Variants in SNTG1 observed in about 807,000 individuals in gnomAD.
The protein encoded by SNTG1 is gamma-1-syntrophin.
SNTG1 carries 39 observed loss-of-function variants against 74.7 expected under a neutral mutation model. The ratio of observed to expected loss-of-function variants is 0.52; its 90% CI spans 0.40 to 0.68. SNTG1 has a LOEUF of 0.68. Among genes scored for constraint, SNTG1 ranks in the 30% least tolerant of loss-of-function variants. The pLI, the probability that SNTG1 is intolerant of heterozygous loss-of-function variation, is 0.00. For synonymous variants in SNTG1, 254 were observed against 217.1 expected (o/e 1.17, Z -1.49); for missense variants, 685 against 609.5 (o/e 1.12, Z -1.30).
intron 17 of SNTG1, among the ~76,000 whole-genome samples, chr8:50,725,460 T>C (rs986564032): frequency 2.0e-5 from 3 of 152,108 alleles, no homozygotes; most frequent in African/African-American, 7.2e-5. Flanking sequence ...TAATCCAAAA[T>C]AATATAAAAG....
intron 9 of SNTG1, among the ~76,000 whole-genome samples, chr8:50,509,154 C>T (rs2094039810): frequency 6.6e-6 from 1 of 152,132 alleles, no homozygotes; most frequent in African/African-American, 2.4e-5. Flanking sequence ...GCCAGTTCTC[C>T]CAGCACCATT....
chr8:49,996,708 G>T (rs1299012716), intron 1 of SNTG1, among the ~76,000 whole-genome samples: 1 of 151,942 alleles, frequency 6.6e-6, no homozygotes, highest in East Asian at 1.9e-4. Flanking sequence ...TCACTACTTT[G>T]TCCCATCAAA....
At chr8:50,629,919 T>C (rs531434832) in intron 13 of SNTG1, among the ~76,000 whole-genome samples, 1 of 152,342 alleles carries the variant, frequency 6.6e-6, no homozygotes, top group South Asian at 2.1e-4. Flanking sequence ...CAGTGCTGCT[T>C]CGATATTATA....
chr8:50,244,909 CA>C (rs1311532881), intron 2 of SNTG1, among the ~76,000 whole-genome samples: 2 of 152,140 alleles, frequency 1.3e-5, no homozygotes, highest in Non-Finnish European at 2.9e-5. Context: ...AGACATTCTA[CA>C]AAGCTAGGAT....
At chr8:50,046,099 T>C (rs1819060183) in intron 1 of SNTG1, among the ~76,000 whole-genome samples, 1 of 152,248 alleles carries the variant, frequency 6.6e-6, no homozygotes, top group African/African-American at 2.4e-5. Flanking sequence ...TAAAATTGTA[T>C]TTATGGGCAC....
At chr8:50,597,328 C>T (rs1354643398) in intron 13 of SNTG1, among the ~76,000 whole-genome samples, 3 of 148,350 alleles carry the variant, frequency 2.0e-5, no homozygotes, top group Non-Finnish European at 4.5e-5. Context: ...CGTATATATA[C>T]ACATATATAT....
At chr8:50,005,433 A>G (rs1815125754) in intron 1 of SNTG1, among the ~76,000 whole-genome samples, 1 of 151,330 alleles carries the variant, frequency 6.6e-6, no homozygotes, top group Admixed American at 6.6e-5. Context: ...AACAGTGGAG[A>G]TTATTTCAAT....
At chr8:50,202,631 A>G (rs1349586333) in intron 2 of SNTG1, among the ~76,000 whole-genome samples, 1 of 152,162 alleles carries the variant, frequency 6.6e-6, no homozygotes, top group Non-Finnish European at 1.5e-5. Flanking sequence ...AATTTTTGGC[A>G]GCAGAGAATA....
intron 2 of SNTG1, among the ~76,000 whole-genome samples, chr8:50,177,219 C>T (rs1418299690): frequency 6.6e-6 from 1 of 152,204 alleles, no homozygotes; most frequent in African/African-American, 2.4e-5. Flanking sequence ...TGGAGCATGG[C>T]AGCTGAAATG....
chr8:49,946,880 A>T (rs1809239164), intron 1 of SNTG1, among the ~76,000 whole-genome samples: 1 of 152,226 alleles, frequency 6.6e-6, no homozygotes, highest in Admixed American at 6.5e-5. Flanking sequence ...CTTTCTTCTT[A>T]AAATTAATGT....
chr8:50,365,549 A>G (rs1364874152), intron 2 of SNTG1, among the ~76,000 whole-genome samples: 1 of 152,122 alleles, frequency 6.6e-6, no homozygotes, highest in Non-Finnish European at 1.5e-5. Context: ...TTAGGAAAGA[A>G]TTGTATAAAA....
At chr8:50,584,599 C>A (rs1162735398) in intron 12 of SNTG1, among the ~76,000 whole-genome samples, 2 of 148,570 alleles carry the variant, frequency 1.3e-5, no homozygotes, top group Non-Finnish European at 3.0e-5. Context: ...CTGAGAGAGT[C>A]CACACTAGCT....
chr8:50,678,812 A>C (rs2095319779), intron 15 of SNTG1, among the ~76,000 whole-genome samples: 1 of 152,114 alleles, frequency 6.6e-6, no homozygotes, highest in African/African-American at 2.4e-5. Flanking sequence ...ACTATTGAGA[A>C]AATTTTTTAT....
intron 4 of SNTG1, among the ~76,000 whole-genome samples, chr8:50,425,072 A>G (rs2093144433): frequency 6.6e-6 from 1 of 152,216 alleles, no homozygotes; most frequent in Non-Finnish European, 1.5e-5. Context: ...ACAATAAATC[A>G]CAAGTATATT....
At position 50,509,238 on chromosome 8, in the gene SNTG1, C is replaced by T. The variant is rs565207469; in HGVS notation, c.466+6358C>T. ...CAAAGATCAGATAGTTGTAGATATGCAGCATTATTTCTGAGGGCTCTGTTC... is the reference window on the plus strand; with the variant it reads ...CAAAGATCAGATAGTTGTAGATATGTAGCATTATTTCTGAGGGCTCTGTTC... On this transcript the variant is annotated intron_variant, in intron 9 of 18. Transcript: ENST00000642720. Among the ~76,000 whole-genome samples the T allele has an allele frequency of 2.6e-5, 4 of 152,172 alleles. No individual in the cohort carries two copies. The East Asian group carries it at 7.8e-4, about 29-fold the overall frequency.
chr8:50,374,848 G>A (rs912625568), intron 2 of SNTG1, among the ~76,000 whole-genome samples: 8 of 152,048 alleles, frequency 5.3e-5, no homozygotes, highest in African/African-American at 1.4e-4. Context: ...AGATCAAATT[G>A]GAAGTTGGAA....
At chr8:50,604,355 G>T (rs2094796791) in intron 13 of SNTG1, among the ~76,000 whole-genome samples, 1 of 151,966 alleles carries the variant, frequency 6.6e-6, no homozygotes, top group Non-Finnish European at 1.5e-5. Context: ...GGTGGAGGTT[G>T]CAGTGAGCCA....
Position 50,118,627 on chromosome 8 carries a change from G to C in SNTG1, c.-102-53934G>C, listed in dbSNP as rs72639893. 2.1e-3 allele frequency among the ~76,000 whole-genome samples: 224 copies of C among 105,816 alleles called. 38 individuals carry two copies. Among genetic ancestry groups the C allele is most frequent in the Non-Finnish European group, 3.7e-3 (167 of 45,432 alleles). The allele number at this position is 105,816 out of a possible 152,430, so 69.4% of individuals were successfully genotyped here. ...TCAGCTCTTCTCTCCATTCCCTGTG[G>C]ACCCCAAAGAATCCTGAGAATTTTG... is the stretch of plus-strand genomic sequence containing the variant. On this transcript the variant is annotated intron_variant, in intron 1 of 18. Transcript: ENST00000642720.
At chr8:50,622,882 T>C (rs925522332) in intron 13 of SNTG1, among the ~76,000 whole-genome samples, 1 of 152,168 alleles carries the variant, frequency 6.6e-6, no homozygotes, top group Non-Finnish European at 1.5e-5. Context: ...TAAATATGTC[T>C]CCTTATAATG....
Sources: gnomAD v4.1 joint callset for allele counts (sites outside exome capture counted in the v4.1 genomes callset) on GRCh38, gnomAD v4.1.1 for gene constraint, MANE v1.5 for transcripts, NCBI Gene and HGNC (gene_info 2026-07-23, HGNC 2026-07-21) for gene names.